Variants in SPATA19 observed in about 807,000 individuals in gnomAD.
The protein encoded by SPATA19 is spermatogenesis associated 19.
Under a neutral mutation model 25.0 loss-of-function variants are expected in SPATA19, and 19 were observed. That is an observed-to-expected ratio of 0.76 (90% confidence interval 0.53 to 1.11). The LOEUF is 1.11. Among genes scored for constraint, SPATA19 ranks in the 50% most tolerant of loss-of-function variants. The probability of loss-of-function intolerance (pLI) is 0.00; values close to 1 mark genes in which losing one functional copy is unlikely to be tolerated. For synonymous variants in SPATA19, 64 were observed against 69.3 expected (o/e 0.92, Z 0.38); for missense variants, 222 against 211.4 (o/e 1.05, Z -0.31).
downstream of SPATA19, among the ~76,000 whole-genome samples, chr11:133,839,506 G>A (rs1938266776): frequency 7.2e-6 from 1 of 138,234 alleles, no homozygotes; most frequent in Non-Finnish European, 1.5e-5. Context: ...ACAGGAAGGG[G>A]AACATCACAA....
rs746349573 is a variant in SPATA19 at position 133,844,301 on chromosome 11, T to C, written c.304A>G (p.Asn102Asp). ...TCCTCTAGGACCTCTTGGCTCTGGTTTGCCAACAAATCAGACTTAGAGAGG... is the reference window on the plus strand; with the variant it reads ...TCCTCTAGGACCTCTTGGCTCTGGTCTGCCAACAAATCAGACTTAGAGAGG... ...HHLSKSDLLA[N>D]QSQEVLEERT... Residue 102 changes from asparagine to aspartate, a missense_variant, in exon 4 of 7, where the codon AAC (asparagine) becomes GAC (aspartate). Physicochemically the swap from Asn to Asp is conservative, Grantham distance 23. Coordinates refer to ENST00000299140, the MANE Select transcript of SPATA19 (RefSeq NM_174927.3). 1 of 1,614,182 alleles carries C rather than the reference T, an allele frequency of 6.2e-7. No individual in the cohort carries two copies. The highest frequency in any genetic ancestry group is 8.5e-7 in the Non-Finnish European group (1 of 1,180,034).
At chr11:133,845,272 AATTT>A in intron 1 of SPATA19, 82 bp from the exon 2 acceptor site, 3 of 1,524,698 alleles carry the variant, frequency 2.0e-6, no homozygotes, top group Non-Finnish European at 1.8e-6. Context: ...CTGTTACTCA[AATTT>A]ATTTGTAAGA....
downstream of SPATA19, among the ~76,000 whole-genome samples, chr11:133,839,240 A>G (rs1047546246): frequency 2.6e-5 from 4 of 152,186 alleles, no homozygotes; most frequent in African/African-American, 9.7e-5. Context: ...ACGTATGTTT[A>G]TTGCGGCACT....
chr11:133,839,543 G>T (rs1325216943), downstream of SPATA19, among the ~76,000 whole-genome samples: 1 of 148,606 alleles, frequency 6.7e-6, no homozygotes, highest in Admixed American at 6.7e-5. Flanking sequence ...GGGTAGGGGA[G>T]GGGGGAGGGA....
intron 5 of SPATA19, 38 bp downstream of exon 5, chr11:133,842,445 CCA>C: frequency 1.3e-6 from 2 of 1,540,964 alleles, no homozygotes; most frequent in Non-Finnish European, 1.8e-6. Flanking sequence ...CTACCTGCCC[CCA>C]GTCAGGAACA....
At chr11:133,836,817 T>C (rs1046076131), downstream of SPATA19, among the ~76,000 whole-genome samples, 10 of 152,340 alleles carry the variant, frequency 6.6e-5, no homozygotes, top group South Asian at 2.1e-3. Context: ...TCTTATTTAT[T>C]GCTGTATTCC....
At chr11:133,842,203 C>T (rs931040009) in intron 5 of SPATA19, 98 bp from the exon 6 acceptor site, 12 of 1,255,896 alleles carry the variant, frequency 9.6e-6, no homozygotes, top group South Asian at 3.6e-5. Context: ...GAGGGCAGGC[C>T]GTGCCTAGGC....
chr11:133,839,865 C>CA (rs1938273669), downstream of SPATA19, among the ~76,000 whole-genome samples: 1 of 151,642 alleles, frequency 6.6e-6, no homozygotes, highest in African/African-American at 2.4e-5. Flanking sequence ...AGAATACCCG[C>CA]AAAAAAGAGT....
rs767012066 is a variant in SPATA19, at chr11:133,845,436, G to A, written c.11C>T (p.Thr4Met). 4.1e-5 allele frequency: 66 copies of A among 1,613,898 alleles called. No homozygotes were observed. The highest frequency in any genetic ancestry group is 1.2e-4 in the African/African-American group (9 of 74,898). Residue 4 changes from threonine (T) to methionine (M), a missense_variant, in exon 1 of 7, where the codon ACG (threonine) becomes ATG (methionine). Physicochemically the swap from Thr to Met is moderately conservative, Grantham distance 81 (BLOSUM62 -1). Transcript: ENST00000299140. ...AGCAAGAATATACACAATCCATGTCGTAATTATCATCTTTGAATGTATACC... is the reference window on the plus strand; with the variant it reads ...AGCAAGAATATACACAATCCATGTCATAATTATCATCTTTGAATGTATACC... Reference protein sequence around the residue: MIITTWIVYILARK... With the variant: MIIMTWIVYILARK...
chr11:133,845,321 G>A (rs1001798749), intron 1 of SPATA19, 48 bp downstream of exon 1: 2 of 1,524,726 alleles, frequency 1.3e-6, no homozygotes, highest in African/African-American at 2.7e-5. Flanking sequence ...CACAGGGGGA[G>A]AAGATATATG....
chr11:133,845,409 C>G lies in SPATA19; in HGVS notation c.38G>C (p.Arg13Pro), dbSNP rs184572110. 1.9e-6 allele frequency: 3 copies of G among 1,614,102 alleles called. No individual in the cohort carries two copies. Among genetic ancestry groups the G allele is most frequent in the Non-Finnish European group, 2.5e-6 (3 of 1,179,998 alleles). The change falls in exon 1 of 7, where the codon CGG becomes CCG. Residue 13 changes from arginine (R) to proline (P), a missense_variant. By Grantham distance (103) the Arg-to-Pro change is moderately radical. Transcript: ENST00000299140. ...TAGGAAGGGAAGCCCTACACCTTTC[C>G]GAGCAAGAATATACACAATCCATGT... is the stretch of plus-strand genomic sequence containing the variant. Reference protein sequence around the residue: ...ITTWIVYILARKGVGLPFLPI... With the variant: ...ITTWIVYILAPKGVGLPFLPI...
At chr11:133,838,401 T>C (rs1459241503), downstream of SPATA19, among the ~76,000 whole-genome samples, 1 of 152,154 alleles carries the variant, frequency 6.6e-6, no homozygotes, top group African/African-American at 2.4e-5. Flanking sequence ...TTTCAAGAAA[T>C]GTCAGTAGAC....
downstream of SPATA19, among the ~76,000 whole-genome samples, chr11:133,839,687 T>A (rs947769714): frequency 3.3e-5 from 5 of 151,406 alleles, no homozygotes; most frequent in African/African-American, 9.7e-5. Flanking sequence ...TAATAATAAT[T>A]AAAAAATTTA....
chr11:133,843,102 G>T (rs953100655), intron 4 of SPATA19, among the ~76,000 whole-genome samples: 1 of 152,178 alleles, frequency 6.6e-6, no homozygotes, highest in Non-Finnish European at 1.5e-5. Flanking sequence ...GGAGATAGGC[G>T]GAGGCTTTTG....
intron 4 of SPATA19, among the ~76,000 whole-genome samples, chr11:133,843,439 T>C (rs1938353094): frequency 6.6e-6 from 1 of 152,216 alleles, no homozygotes; most frequent in Admixed American, 6.5e-5. Flanking sequence ...ATGAAATTAC[T>C]GTGCATTTGA....
chr11:133,840,733 T>G lies in SPATA19; in HGVS notation c.*200A>C, dbSNP rs1448292579. ...ACCTGCTGGAGTCTTTCTGCCCAGG[T>G]CTGGCCCTTCTTCAGGTCAAGCAGA... is the stretch of plus-strand genomic sequence containing the variant. On this transcript the variant is annotated 3_prime_UTR_variant, in exon 7 of 7. Transcript: ENST00000299140. 1 of 152,180 alleles carries G rather than the reference T, an allele frequency of 6.6e-6. No homozygotes were observed. Among genetic ancestry groups the G allele is most frequent in the Non-Finnish European group, 1.5e-5 (1 of 68,042 alleles). The allele number at this position is 152,180 out of a possible 1,614,324, so 9.4% of individuals were successfully genotyped here.
chr11:133,838,084 A>C (rs1938241425), downstream of SPATA19, among the ~76,000 whole-genome samples: 1 of 152,178 alleles, frequency 6.6e-6, no homozygotes, highest in Non-Finnish European at 1.5e-5. Context: ...CTTTCCCCAA[A>C]ATAATTACAA....
chr11:133,842,129 C>T, intron 5 of SPATA19, 24 bp from the exon 6 acceptor site: 1 of 1,611,992 alleles, frequency 6.2e-7, no homozygotes. Flanking sequence ...AGGAGAAGGG[C>T]CAGGTGGAGG....
At chr11:133,836,860 C>A (rs935313690), downstream of SPATA19, among the ~76,000 whole-genome samples, 2 of 152,154 alleles carry the variant, frequency 1.3e-5, no homozygotes, top group African/African-American at 4.8e-5. Context: ...CACAGCATAA[C>A]AAAGTGGTCA....
Sources: gnomAD v4.1 joint callset for allele counts (sites outside exome capture counted in the v4.1 genomes callset) on GRCh38, gnomAD v4.1.1 for gene constraint, MANE v1.5 for transcripts, NCBI Gene and HGNC (gene_info 2026-07-23, HGNC 2026-07-21) for gene names.